The following EML6 variants were observed in gnomAD, a reference collection of about 807,000 sequenced individuals.
EML6 encodes the protein EMAP like 6.
Under a neutral mutation model 240.1 loss-of-function variants are expected in EML6, and 154 were observed. That is an observed-to-expected ratio of 0.64 (90% CI 0.56 to 0.73). EML6 has a LOEUF of 0.73. Ranked by LOEUF, EML6 falls within the 30% of genes least tolerant of loss-of-function variation. The probability of loss-of-function intolerance (pLI) is 0.00; values close to 1 mark genes in which losing one functional copy is unlikely to be tolerated. For synonymous variants in EML6, 1,148 were observed against 899.0 expected, an observed-to-expected ratio of 1.28 and a Z score of -4.95; for missense variants, 2,964 against 2,474.6, an observed-to-expected ratio of 1.20 and a Z score of -4.20.
chr2:54,930,454 A>AT (rs541965700), intron 28 of EML6, among the ~76,000 whole-genome samples: 63 of 152,106 alleles, frequency 4.1e-4, no homozygotes, highest in African/African-American at 1.5e-3. Flanking sequence ...ATGCTACCCC[A>AT]TTTTATTATC....
chr2:54,845,419 T>C (rs1418020044), intron 8 of EML6, among the ~76,000 whole-genome samples: 1 of 152,224 alleles, frequency 6.6e-6, no homozygotes, highest in Non-Finnish European at 1.5e-5. Context: ...GTTTCAACAA[T>C]TGTTAAGTCT....
chr2:54,956,155 G>C (rs551549688), intron 32 of EML6, among the ~76,000 whole-genome samples: 4 of 152,266 alleles, frequency 2.6e-5, no homozygotes, highest in African/African-American at 9.6e-5. Flanking sequence ...GAGGGATACA[G>C]GTGTCTCCAC....
chr2:54,789,083 GTC>G (rs1669251895), intron 2 of EML6, among the ~76,000 whole-genome samples: 1 of 151,926 alleles, frequency 6.6e-6, no homozygotes, highest in Non-Finnish European at 1.5e-5. Context: ...CATGTGTTCT[GTC>G]TCTGCTTAAT....
chr2:54,826,190 C>T (rs1429658113), intron 5 of EML6, among the ~76,000 whole-genome samples: 2 of 152,146 alleles, frequency 1.3e-5, no homozygotes, highest in Non-Finnish European at 2.9e-5. Context: ...GTTTGCTTTC[C>T]CTCCCCTCCA....
intron 32 of EML6, among the ~76,000 whole-genome samples, chr2:54,955,577 A>G (rs922598546): frequency 3.3e-5 from 5 of 152,132 alleles, no homozygotes; most frequent in African/African-American, 9.7e-5. Context: ...AAGCTCTCAC[A>G]CTGGCCCCAC....
chr2:54,859,484 A>T (rs765273688), intron 11 of EML6, 50 bp from the exon 12 acceptor site: 16 of 1,458,988 alleles, frequency 1.1e-5, no homozygotes, highest in Non-Finnish European at 1.5e-5. Context: ...TTTTAAACTA[A>T]TGAACTCTTC....
rs143397304 is a variant in EML6, at chr2:54,970,284, C to G, written c.*189C>G. The G allele has an allele frequency of 1.3e-3, 782 of 625,356 alleles. 8 individuals are homozygous for G. The African/African-American group carries it at 0.013, about 10-fold the overall frequency. 38.7% of individuals were successfully genotyped at this position (625,356 alleles called of 1,614,324 possible). A position where few individuals can be genotyped will look rare whatever the true frequency, so the allele number is the denominator to read the frequency against. ...ATCTGGACTCTCCAAAACCGTGATG[C>G]CACGAAGGAAGGTCAAGTTTTAAAA... On this transcript the variant is annotated 3_prime_UTR_variant, in exon 42 of 42. Transcript: ENST00000356458.
In EML6 at chr2:54,910,992, CTT is replaced by C; in HGVS notation, c.3455_3456del (p.Phe1152Ter). The C allele has an allele frequency of 6.5e-7, 1 of 1,536,484 alleles. No homozygotes were observed. The highest frequency in any genetic ancestry group is 8.8e-7 in the Non-Finnish European group (1 of 1,135,944). ...AGTGAATTCAGGTGCCAGAGAACAA[CTT>C]TTTTTTGAAGCTCCAAGAGGCAAAC... ...LQVNSGAREQ[L>X]FFEAPRGKRH... On this transcript the variant is annotated frameshift_variant, in exon 25 of 42. Transcript: ENST00000356458. LOFTEE classifies it high-confidence loss of function.
intron 2 of EML6, among the ~76,000 whole-genome samples, chr2:54,799,256 T>C (rs1039380539): frequency 6.7e-6 from 1 of 148,466 alleles, no homozygotes; most frequent in South Asian, 2.1e-4. Flanking sequence ...AGAAGGAGTT[T>C]TACAATGTTG....
rs116501185 is a variant in EML6 at position 54,883,668 on chromosome 2, G to A, written c.2438+4028G>A. Among the ~76,000 whole-genome samples the A allele has an allele frequency of 3.5e-3, 526 of 152,184 alleles. 5 individuals carry two copies. The highest frequency in any genetic ancestry group is 0.012 in the African/African-American group (491 of 41,506). ...GCACAGTGTGTAAGTTCTTATTCTC[G>A]CCATCTAAGATCTGACAAACTCTTT... On this transcript the variant is annotated intron_variant, in intron 17 of 41. Transcript: ENST00000356458.
intron 36 of EML6, among the ~76,000 whole-genome samples, chr2:54,963,003 G>A (rs1016317909): frequency 1.3e-5 from 2 of 152,142 alleles, no homozygotes; most frequent in Admixed American, 6.5e-5. Context: ...AATGTGAAAT[G>A]TTCTGAAATG....
intron 4 of EML6, among the ~76,000 whole-genome samples, chr2:54,818,120 A>C (rs1668160452): frequency 6.6e-6 from 1 of 152,198 alleles, no homozygotes; most frequent in Non-Finnish European, 1.5e-5. Flanking sequence ...GAACTAGTAT[A>C]CTGTCTGTCA....
chr2:54,941,022 C>G (rs1675402029), intron 28 of EML6, among the ~76,000 whole-genome samples: 1 of 152,198 alleles, frequency 6.6e-6, no homozygotes. Context: ...CCTTCAGTCA[C>G]CAAATCACCG....
chr2:54,934,541 C>CATATAT (rs564769225), intron 28 of EML6, among the ~76,000 whole-genome samples: 1 of 151,678 alleles, frequency 6.6e-6, no homozygotes, highest in South Asian at 2.1e-4. Flanking sequence ...AACATATATA[C>CATATAT]ATATATATAT....
chr2:54,729,211 T>C (rs1158937582), intron 2 of EML6, among the ~76,000 whole-genome samples: 1 of 152,210 alleles, frequency 6.6e-6, no homozygotes, highest in Admixed American at 6.5e-5. Flanking sequence ...AGGGTCCTGT[T>C]TGCATCTGCA....
At position 54,959,235 on chromosome 2, in the gene EML6, C is replaced by T. The variant is rs759359682; in HGVS notation, c.4827C>T (p.Leu1609=). The T allele has an allele frequency of 4.8e-5, 74 of 1,545,196 alleles. No individual in the cohort carries two copies. The highest frequency in any genetic ancestry group is 5.9e-5 in the Non-Finnish European group (68 of 1,144,236). The part of the protein sequence containing the change: ...FTMYTTLRDG[L]IVTGGKERPT... ...TGTACACAACCCTTCGGGATGGACT[C>T]ATAGTGACCGGCGGAAAAGAGAGGC... The change falls in exon 34 of 42, where the codon CTC becomes CTT. Residue 1609 remains leucine, a synonymous_variant. Coordinates refer to ENST00000356458, the MANE Select transcript of EML6 (RefSeq NM_001039753.4).
chr2:54,903,389 C>T lies in EML6; in HGVS notation c.3296C>T (p.Ala1099Val). The T allele has an allele frequency of 6.4e-7, 1 of 1,551,564 alleles. No homozygotes were observed. The highest frequency in any genetic ancestry group is 8.7e-7 in the Non-Finnish European group (1 of 1,146,912). The change falls in exon 24 of 42, where the codon GCC becomes GTC. Residue 1099 changes from alanine to valine, a missense_variant. Physicochemically the swap from Ala to Val is moderately conservative, Grantham distance 64 (BLOSUM62 0). Coordinates refer to ENST00000356458, the MANE Select transcript of EML6 (RefSeq NM_001039753.4). ...KFSKDTGKYLAVASHDNFVDI... is the reference protein window; with the variant it reads ...KFSKDTGKYLVVASHDNFVDI... ...TTAACAGATACGGGAAAATACCTTG[C>T]CGTGGCATCCCATGATAACTTTGTG...
chr2:54,845,400 C>G (rs144167420), intron 8 of EML6, among the ~76,000 whole-genome samples: 1 of 152,222 alleles, frequency 6.6e-6, no homozygotes. Flanking sequence ...GGAAGTCCTT[C>G]GCTTTTATGT....
At chr2:54,917,005 C>T in intron 26 of EML6, 70 bp downstream of exon 26, 1 of 1,237,494 alleles carries the variant, frequency 8.1e-7, no homozygotes, top group East Asian at 2.6e-5. Context: ...TATCTAAGTG[C>T]ATTTTTAAAA....
Sources: allele counts gnomAD v4.1 joint callset (sites outside exome capture counted in the v4.1 genomes callset), GRCh38; gene constraint gnomAD v4.1.1; transcripts MANE v1.5; gene names NCBI Gene and HGNC (gene_info 2026-07-23, HGNC 2026-07-21).